The following SYNPR variants were observed in gnomAD, a reference collection of about 807,000 sequenced individuals.
SYNPR encodes the protein synaptoporin.
In SYNPR, 23 loss-of-function variants were observed where a neutral mutation model predicts 32.9. The observed-to-expected ratio is 0.70, with a 90% confidence interval of 0.50 to 0.99. SYNPR has a LOEUF of 0.99. Among genes scored for constraint, SYNPR ranks in the 50% least tolerant of loss-of-function variants. The probability of loss-of-function intolerance (pLI) is 0.00; values close to 1 mark genes in which losing one functional copy is unlikely to be tolerated. For synonymous variants in SYNPR, 146 were observed against 135.9 expected (o/e 1.07, Z -0.52); for missense variants, 318 against 349.3 (o/e 0.91, Z 0.71).
chr3:63,522,957 T>C (rs1185575820), intron 3 of SYNPR, among the ~76,000 whole-genome samples: 1 of 152,034 alleles, frequency 6.6e-6, no homozygotes, highest in Admixed American at 6.6e-5. Context: ...CCATTCTAGC[T>C]GCAGTGAGGA....
intron 4 of SYNPR, among the ~76,000 whole-genome samples, chr3:63,600,570 C>T (rs1248446047): frequency 2.0e-5 from 3 of 152,172 alleles, no homozygotes; most frequent in Admixed American, 2.0e-4. Flanking sequence ...GCCATAATCC[C>T]CATGTGTCAA....
chr3:63,610,983 C>G (rs1183513698), intron 5 of SYNPR, among the ~76,000 whole-genome samples: 1 of 152,162 alleles, frequency 6.6e-6, no homozygotes, highest in African/African-American at 2.4e-5. Flanking sequence ...AGTGATGTAT[C>G]CATATCAGTT....
chr3:63,442,945 A>T, intron 2 of SYNPR: 1 of 774,322 alleles, frequency 1.3e-6, no homozygotes, highest in Non-Finnish European at 1.6e-6. Context: ...TTTTCCCCAT[A>T]CCCTTAAAAC....
intron 3 of SYNPR, among the ~76,000 whole-genome samples, chr3:63,481,905 G>C (rs957151291): frequency 6.6e-6 from 1 of 152,164 alleles, no homozygotes; most frequent in Non-Finnish European, 1.5e-5. Flanking sequence ...GAGATCATAA[G>C]CTCGGCATGG....
intron 2 of SYNPR, among the ~76,000 whole-genome samples, chr3:63,461,243 A>T (rs1700580108): frequency 6.6e-6 from 1 of 152,122 alleles, no homozygotes; most frequent in South Asian, 2.1e-4. Flanking sequence ...CTAATGTTTC[A>T]TTGGACTTGT....
intron 2 of SYNPR, among the ~76,000 whole-genome samples, chr3:63,279,184 G>A (rs1317208947): frequency 6.6e-6 from 1 of 152,144 alleles, no homozygotes; most frequent in Non-Finnish European, 1.5e-5. Context: ...AAGTTGGTCA[G>A]AACTGAGACA....
chr3:63,446,280 G>GA (rs1553636867), intron 2 of SYNPR, among the ~76,000 whole-genome samples: 11 of 140,490 alleles, frequency 7.8e-5, no homozygotes, highest in African/African-American at 2.9e-4. Context: ...CTCCCACCAT[G>GA]TTTTTTTTTT....
chr3:63,432,325 A>T (rs1286199342), intron 2 of SYNPR, among the ~76,000 whole-genome samples: 1 of 152,130 alleles, frequency 6.6e-6, no homozygotes, highest in Non-Finnish European at 1.5e-5. Flanking sequence ...CAACCCCAAG[A>T]CAGCATTGTT....
At chr3:63,509,119 TACAC>T (rs972766633) in intron 3 of SYNPR, among the ~76,000 whole-genome samples, 1 of 150,128 alleles carries the variant, frequency 6.7e-6, no homozygotes, top group African/African-American at 2.4e-5. Context: ...TATATATATA[TACAC>T]ACACACACAC....
the SYNPR span, among the ~76,000 whole-genome samples, chr3:63,201,017 G>T: frequency 6.6e-6 from 1 of 152,116 alleles, no homozygotes; most frequent in East Asian, 1.9e-4. Flanking sequence ...ATTACACCTG[G>T]AAATGTATTT....
At chr3:63,418,843 C>A (rs1198107076) in intron 2 of SYNPR, among the ~76,000 whole-genome samples, 7 of 152,186 alleles carry the variant, frequency 4.6e-5, no homozygotes. Context: ...GGGGACCCAG[C>A]TGAATCATAT....
intron 2 of SYNPR, among the ~76,000 whole-genome samples, chr3:63,412,258 A>G (rs2088476309): frequency 1.3e-5 from 2 of 152,188 alleles, no homozygotes; most frequent in South Asian, 4.1e-4. Context: ...GAAGCATTCA[A>G]GAGAAGACAA....
intron 3 of SYNPR, among the ~76,000 whole-genome samples, chr3:63,538,441 G>A (rs530567214): frequency 6.7e-6 from 1 of 148,794 alleles, no homozygotes; most frequent in Admixed American, 6.7e-5. Flanking sequence ...CAGAACTGTT[G>A]GTCACAATTC....
chr3:63,523,140 G>A (rs769329721), intron 3 of SYNPR, among the ~76,000 whole-genome samples: 1 of 152,130 alleles, frequency 6.6e-6, no homozygotes, highest in Non-Finnish European at 1.5e-5. Context: ...CCCTGCACAC[G>A]TGACGGTGGG....
chr3:63,430,773 T>C (rs896741316), intron 2 of SYNPR, among the ~76,000 whole-genome samples: 18 of 152,204 alleles, frequency 1.2e-4, no homozygotes, highest in Non-Finnish European at 1.5e-5. Context: ...TCCATTTTTT[T>C]TTTCTTTCTG....
At chr3:63,231,582 GATAA>G (rs10575168) in intron 1 of SYNPR, among the ~76,000 whole-genome samples, 35,333 of 151,968 alleles carry the variant, frequency 0.23, 4,283 homozygotes, top group Middle Eastern at 0.36. Flanking sequence ...CTTCCATAAT[GATAA>G]ATAAGTAATG....
At chr3:63,364,437 G>C (rs1251599326) in intron 2 of SYNPR, among the ~76,000 whole-genome samples, 1 of 152,112 alleles carries the variant, frequency 6.6e-6, no homozygotes, top group Non-Finnish European at 1.5e-5. Context: ...GAAAGAAGAA[G>C]TCATACTAGA....
intron 2 of SYNPR, among the ~76,000 whole-genome samples, chr3:63,444,953 G>GAAA (rs34476623): frequency 1.4e-5 from 2 of 143,904 alleles, no homozygotes; most frequent in African/African-American, 2.6e-5. Context: ...TAATTTGTTG[G>GAAA]AAAAAAAACA....
intron 4 of SYNPR, among the ~76,000 whole-genome samples, chr3:63,585,788 T>G (rs1440980609): frequency 6.6e-6 from 1 of 152,104 alleles, no homozygotes; most frequent in Non-Finnish European, 1.5e-5. Context: ...AATAACCCTC[T>G]AAGACAAGGT....
Sources: gnomAD v4.1 joint callset for allele counts (sites outside exome capture counted in the v4.1 genomes callset) on GRCh38, gnomAD v4.1.1 for gene constraint, MANE v1.5 for transcripts, NCBI Gene and HGNC (gene_info 2026-07-23, HGNC 2026-07-21) for gene names.